The following CEP295NL variants were observed in gnomAD, a reference collection of about 807,000 sequenced individuals.
CEP295NL encodes the protein CEP295 N-terminal like.
Under a neutral mutation model 4.6 loss-of-function variants are expected in CEP295NL, and 3 were observed. That is an observed-to-expected ratio of 0.65 (90% CI 0.30 to 1.69). The LOEUF is 1.69. CEP295NL is among the 40% of genes most tolerant of loss of function. The pLI is 0.10. For synonymous variants in CEP295NL, 295 were observed against 312.2 expected, an observed-to-expected ratio of 0.94 and a Z score of 0.58; for missense variants, 719 against 769.0, an observed-to-expected ratio of 0.93 and a Z score of 0.77.
chr17:78,896,991 C>G lies in CEP295NL; in HGVS notation c.45-4532G>C, dbSNP rs563449571. ...GCTTGAGAATGACGTCCAAGCAGCT[C>G]GCCTTTCCCTGGGCGGCCGCTCAGA... is the stretch of plus-strand genomic sequence containing the variant. On this transcript the variant is annotated intron_variant, in intron 2 of 2. Coordinates refer to ENST00000322630, the MANE Select transcript of CEP295NL (RefSeq NM_001243540.2). This position sits in a 1 kb window ranked among gnomAD's most constrained non-coding sequence, Gnocchi z 4.4. 8 of 985,386 alleles carry G rather than the reference C, an allele frequency of 8.1e-6. No individual in the cohort carries two copies. The highest frequency in any genetic ancestry group is 8.4e-6 in the Non-Finnish European group (7 of 829,910). 61.0% of individuals were successfully genotyped at this position (985,386 alleles called of 1,614,324 possible).
At chr17:78,902,805 G>C (rs2070115776) in intron 1 of CEP295NL, 1 of 152,352 alleles carries the variant, frequency 6.6e-6, no homozygotes. Flanking sequence ...ACCCAGCCTA[G>C]GTCAGGGGTC....
chr17:78,897,002 G>A, intron 2 of CEP295NL: 1 of 985,330 alleles, frequency 1.0e-6, no homozygotes. Flanking sequence ...GCCTTTCCCT[G>A]GGCGGCCGCT....
rs1229387664 is a variant in CEP295NL, at chr17:78,899,953, C to G, written c.44+1832G>C. 6 of 152,330 alleles carry G rather than the reference C, an allele frequency of 3.9e-5. No individual in the cohort carries two copies. The East Asian group carries it at 1.2e-3, about 29-fold the overall frequency. The allele number at this position is 152,330 out of a possible 1,614,324, so 9.4% of individuals were successfully genotyped here. A position where few individuals can be genotyped will look rare whatever the true frequency, so the allele number is the denominator to read the frequency against. ...TAGCTGGCATCGGCCAGAGAGAGAA[C>G]ATTTCCATATAATTAGAGCTTACCC... On this transcript the variant is annotated intron_variant, in intron 2 of 2. Transcript: ENST00000322630.
At chr17:78,895,782 C>T (rs766402701) in intron 2 of CEP295NL, among the ~76,000 whole-genome samples, 3 of 152,194 alleles carry the variant, frequency 2.0e-5, no homozygotes, top group South Asian at 2.1e-4. Flanking sequence ...GTGGTGAGGT[C>T]GGGGCTGCTG....
chr17:78,895,588 G>A (rs1599164577), intron 2 of CEP295NL, among the ~76,000 whole-genome samples: 1 of 152,180 alleles, frequency 6.6e-6, no homozygotes, highest in Non-Finnish European at 1.5e-5. Context: ...TCTTAAAAAG[G>A]GAAACACAGA....
Position 78,892,459 on chromosome 17 carries a change from C to T in CEP295NL, c.45G>A (p.Gln15=). 1 of 1,546,138 alleles carries T rather than the reference C, an allele frequency of 6.5e-7. No individual in the cohort carries two copies. Among genetic ancestry groups the T allele is most frequent in the Non-Finnish European group, 8.7e-7 (1 of 1,144,436 alleles). ...AGAAGCCACAACGTTCCACAGCAAA[C>T]CTACGAGGAAGGGAGCACAAGTGCA... The part of the protein sequence containing the change: ...WSSSVIWRHT[Q]FAVERCGFCG... The change falls in exon 3 of 3, where the codon CAG becomes CAA. Residue 15 remains glutamine (Q), a splice_region_variant and synonymous_variant. Transcript: ENST00000322630.
Position 78,896,098 on chromosome 17 carries a change from C to T in CEP295NL, c.45-3639G>A, listed in dbSNP as rs1384400385. Among the ~76,000 whole-genome samples, 8 of 152,256 alleles carry T rather than the reference C, an allele frequency of 5.3e-5. 1 individual carries two copies. The highest frequency in any genetic ancestry group is 1.5e-5 in the Non-Finnish European group (1 of 68,048). ...AAGTCTAGAAAATTGCAGCCAGCTC[C>T]ATCCTTCAGGAATCGATCCCCGCTC... On this transcript the variant is annotated intron_variant, in intron 2 of 2. Coordinates refer to ENST00000322630, the MANE Select transcript of CEP295NL (RefSeq NM_001243540.2). This position sits in a 1 kb window ranked among gnomAD's most constrained non-coding sequence, Gnocchi z 4.4.
At position 78,891,372 on chromosome 17, in the gene CEP295NL, C is replaced by T. The variant is rs2069890690; in HGVS notation, c.1132G>A (p.Ala378Thr). 4 of 1,550,644 alleles carry T rather than the reference C, an allele frequency of 2.6e-6. No individual in the cohort carries two copies. Among genetic ancestry groups the T allele is most frequent in the Non-Finnish European group, 3.5e-6 (4 of 1,147,010 alleles). Residue 378 changes from alanine to threonine, a missense_variant, in exon 3 of 3, where the codon GCC becomes ACC. Coordinates refer to ENST00000322630, the MANE Select transcript of CEP295NL (RefSeq NM_001243540.2). This position sits in a 1 kb window ranked among gnomAD's most constrained non-coding sequence, Gnocchi z 4.5. The part of the protein sequence containing the change: ...RMDQRPGEGH[A>T]FSEMQECGAG... ...CCACACTCTTGCATCTCTGAGAAGG[C>T]ATGCCCTTCCCCAGGTCTCTGGTCC...
intron 1 of CEP295NL, among the ~76,000 whole-genome samples, chr17:78,902,505 C>A (rs969814313): frequency 6.6e-6 from 1 of 152,198 alleles, no homozygotes; most frequent in African/African-American, 2.4e-5. Context: ...GCTTTTCCAC[C>A]CGAATACTGG....
At chr17:78,894,373 G>A (rs2145775141) in intron 2 of CEP295NL, among the ~76,000 whole-genome samples, 1 of 152,040 alleles carries the variant, frequency 6.6e-6, no homozygotes, top group East Asian at 1.9e-4. Flanking sequence ...TCTAGTGGGA[G>A]GTCCTTGCAC....
Position 78,901,774 on chromosome 17 carries a change from G to A in CEP295NL, c.44+11C>T, listed in dbSNP as rs915356594. On this transcript the variant is annotated intron_variant, in intron 2 of 2. Coordinates refer to ENST00000322630, the MANE Select transcript of CEP295NL (RefSeq NM_001243540.2). ...CACCTGAAATGCTTGGGGAAGAGGG[G>A]TGGTACTTACTGTGTGTGTCTCCAG... 2.8e-6 allele frequency: 2 copies of A among 717,314 alleles called. No individual in the cohort carries two copies. Among genetic ancestry groups the A allele is most frequent in the Non-Finnish European group, 2.6e-6 (1 of 385,072 alleles). 44.4% of individuals were successfully genotyped at this position (717,314 alleles called of 1,614,324 possible).
chr17:78,892,031 C>T lies in CEP295NL; in HGVS notation c.473G>A (p.Arg158Gln), dbSNP rs748352312. 19 of 1,550,656 alleles carry T rather than the reference C, an allele frequency of 1.2e-5. No individual in the cohort carries two copies. Among genetic ancestry groups the T allele is most frequent in the South Asian group, 5.9e-5 (5 of 84,062 alleles). Residue 158 changes from arginine (R) to glutamine (Q), a missense_variant, in exon 3 of 3, where the codon CGA becomes CAA. By Grantham distance (43) the Arg-to-Gln change is conservative (BLOSUM62 1). Transcript: ENST00000322630. Reference protein sequence around the residue: ...NEPDSQGPIQRRSARPPRAKE... With the variant: ...NEPDSQGPIQQRSARPPRAKE... ...GGCCCTCGGGGGCCTGGCTGATCTT[C>T]GCTGGATGGGCCCCTGCGAGTCAGG... is the stretch of plus-strand genomic sequence containing the variant.
intron 1 of CEP295NL, chr17:78,902,705 G>T (rs1463186643): frequency 6.6e-6 from 1 of 152,240 alleles, no homozygotes; most frequent in African/African-American, 2.4e-5. Context: ...TCCCCACGTG[G>T]GGGGCTTACA....
chr17:78,891,672 T>C lies in CEP295NL; in HGVS notation c.832A>G (p.Arg278Gly). 6.4e-7 allele frequency: 1 copy of C among 1,551,052 alleles called. No individual in the cohort carries two copies. Among genetic ancestry groups the C allele is most frequent in the South Asian group, 1.2e-5 (1 of 84,054 alleles). The change falls in exon 3 of 3, where the codon AGG becomes GGG. Residue 278 changes from arginine (R) to glycine (G), a missense_variant. Transcript: ENST00000322630. The surrounding 1 kb of genome is among the most constrained non-coding windows in gnomAD (Gnocchi z 4.5). Reference sequence around the variant, plus strand: ...ACTGCCCCCTTTCCCAGTTGCCTCCTCCCCGCCCGAGCTGTTCCTTTCTCT... The same window carrying C: ...ACTGCCCCCTTTCCCAGTTGCCTCCCCCCCGCCCGAGCTGTTCCTTTCTCT... The part of the protein sequence containing the change: ...EKEKGTARAG[R>G]RQLGKGAVCF...
At chr17:78,894,808 C>G (rs1433900046) in intron 2 of CEP295NL, among the ~76,000 whole-genome samples, 1 of 150,684 alleles carries the variant, frequency 6.6e-6, no homozygotes, top group Admixed American at 6.6e-5. Flanking sequence ...TGAACATCAT[C>G]AAAATTAAAA....
chr17:78,896,747 A>G lies in CEP295NL; in HGVS notation c.45-4288T>C, dbSNP rs1305252969. 6.6e-6 allele frequency among the ~76,000 whole-genome samples: 1 copy of G among 152,104 alleles called. No homozygotes were observed. Among genetic ancestry groups the G allele is most frequent in the African/African-American group, 2.4e-5 (1 of 41,404 alleles). ...GCAGAAGGAAGGCGAGTGGACACCAATCTGGCCTCCGGACGGCACCAGGGC... is the reference window on the plus strand; with the variant it reads ...GCAGAAGGAAGGCGAGTGGACACCAGTCTGGCCTCCGGACGGCACCAGGGC... On this transcript the variant is annotated intron_variant, in intron 2 of 2. Coordinates refer to ENST00000322630, the MANE Select transcript of CEP295NL (RefSeq NM_001243540.2). This position sits in a 1 kb window ranked among gnomAD's most constrained non-coding sequence, Gnocchi z 4.4.
chr17:78,892,356 C>A lies in CEP295NL; in HGVS notation c.148G>T (p.Ala50Ser), dbSNP rs1048898212. Residue 50 changes from alanine (A) to serine (S), a missense_variant, in exon 3 of 3, where the codon GCT (alanine) becomes TCT (serine). Physicochemically the swap from Ala to Ser is moderately conservative, Grantham distance 99. Coordinates refer to ENST00000322630, the MANE Select transcript of CEP295NL (RefSeq NM_001243540.2). ...TTTCTGTTCCTGTCTGCGAACCCAGCAGATACAGCTTCCCAGGGAAGGTGC... is the reference window on the plus strand; with the variant it reads ...TTTCTGTTCCTGTCTGCGAACCCAGAAGATACAGCTTCCCAGGGAAGGTGC... ...SKHLPWEAVS[A>S]GFADRNRNMD... 1.3e-6 allele frequency: 2 copies of A among 1,550,684 alleles called. No homozygotes were observed. Among genetic ancestry groups the A allele is most frequent in the Admixed American group, 3.9e-5 (2 of 51,018 alleles).
In CEP295NL at chr17:78,890,772, T is replaced by C; in HGVS notation, c.1732A>G (p.Ser578Gly). 1 of 1,550,666 alleles carries C rather than the reference T, an allele frequency of 6.4e-7. No individual in the cohort carries two copies. The highest frequency in any genetic ancestry group is 8.7e-7 in the Non-Finnish European group (1 of 1,147,008). ...CTGTGCCGGTCGTCGTCGGCGAGGCTGGTGCCCGATGGGGAAGTGGTGCTG... is the reference window on the plus strand; with the variant it reads ...CTGTGCCGGTCGTCGTCGGCGAGGCCGGTGCCCGATGGGGAAGTGGTGCTG... ...ELSTTSPSGT[S>G]LADDDRHSQM... The change falls in exon 3 of 3, where the codon AGC (serine) becomes GGC (glycine). Residue 578 changes from serine to glycine, a missense_variant. Transcript: ENST00000322630.
Position 78,891,611 on chromosome 17 carries a change from C to T in CEP295NL, c.893G>A (p.Gly298Glu). The T allele has an allele frequency of 8.4e-6, 13 of 1,550,918 alleles. No individual in the cohort carries two copies. The highest frequency in any genetic ancestry group is 1.1e-5 in the Non-Finnish European group (13 of 1,147,062). Residue 298 changes from glycine (G) to glutamate (E), a missense_variant, in exon 3 of 3, where the codon GGA becomes GAA. Gly to Glu is a moderately conservative substitution (Grantham distance 98). Coordinates refer to ENST00000322630, the MANE Select transcript of CEP295NL (RefSeq NM_001243540.2). The surrounding 1 kb of genome is among the most constrained non-coding windows in gnomAD (Gnocchi z 4.5). ...TCTCAGCTTCCCCTCCAGACTCTGT[C>T]CCTGAGAGCGACTGGTCAGGGCTGG... ...FVPALTSRSQ[G>E]QSLEGKLRDL...
Sources: allele counts gnomAD v4.1 joint callset (sites outside exome capture counted in the v4.1 genomes callset), GRCh38; gene constraint gnomAD v4.1.1; non-coding constraint Gnocchi (gnomAD v3.1); transcripts MANE v1.5; gene names NCBI Gene and HGNC (gene_info 2026-07-23, HGNC 2026-07-21).